Variants in KCNQ1OT1 observed in about 807,000 individuals in gnomAD.
The protein encoded by KCNQ1OT1 is KCNQ1 antisense RNA 2 (non-protein coding).
exon 1 of KCNQ1OT1, chr11:2,655,957 G>A (rs1181679714): frequency 1.3e-5 from 5 of 398,604 alleles, no homozygotes; most frequent in Non-Finnish European, 1.8e-5. Context: ...GGCAGGTGCA[G>A]GTCCCACCCA....
At position 2,670,415 on chromosome 11, in the gene KCNQ1OT1, T is replaced by G; in HGVS notation, n.29580A>C. On this transcript the variant is annotated non_coding_transcript_exon_variant, in exon 1 of 1. Transcript: ENST00000597346. The surrounding 1 kb of genome is among the most constrained non-coding windows in gnomAD (Gnocchi z 4.9). The stretch of plus-strand genomic sequence containing the variant: ...AGACACCTACTATGTGTATTTCTTG[T>G]GTTGGGGTTAGGAGATACTGCTGTT... 1 of 398,072 alleles carries G rather than the reference T, an allele frequency of 2.5e-6. No individual in the cohort carries two copies. Among genetic ancestry groups the G allele is most frequent in the Non-Finnish European group, 4.4e-6 (1 of 225,970 alleles). 24.7% of individuals were successfully genotyped at this position (398,072 alleles called of 1,614,324 possible). A position where few individuals can be genotyped will look rare whatever the true frequency, so the allele number is the denominator to read the frequency against.
exon 1 of KCNQ1OT1, chr11:2,630,354 A>T (rs1564838817): frequency 2.5e-6 from 1 of 398,144 alleles, no homozygotes; most frequent in Admixed American, 4.4e-5. Context: ...TCATAAAAAA[A>T]TATCAGCCAG....
At chr11:2,684,447 C>A (rs923618091) in exon 1 of KCNQ1OT1, 6 of 398,518 alleles carry the variant, frequency 1.5e-5, no homozygotes, top group Non-Finnish European at 2.7e-5. Context: ...AAAACGTGTT[C>A]TTTTGGCAAA....
chr11:2,619,144 T>A (rs1267338927), exon 1 of KCNQ1OT1: 8 of 398,426 alleles, frequency 2.0e-5, no homozygotes, highest in Non-Finnish European at 3.1e-5. Context: ...TACTTCTTAC[T>A]TCCTGATTTG....
exon 1 of KCNQ1OT1, chr11:2,644,321 T>C (rs1321754494): frequency 2.5e-6 from 1 of 398,466 alleles, no homozygotes; most frequent in Admixed American, 4.4e-5. Context: ...AGACTTATCT[T>C]CAAGGTGTGA....
exon 1 of KCNQ1OT1, chr11:2,610,057 GT>G (rs1848953819): frequency 2.5e-6 from 1 of 397,456 alleles, no homozygotes; most frequent in Non-Finnish European, 4.4e-6. Flanking sequence ...TTTACTTTTG[GT>G]CTTTTCTATG....
Position 2,653,215 on chromosome 11 carries a change from C to T in KCNQ1OT1, n.46780G>A. ...TGCTGTTGCAGGGCTAGGGCCAGGG[C>T]CTTGGCCTCAGGCCAGCTTCTTTCC... On this transcript the variant is annotated non_coding_transcript_exon_variant, in exon 1 of 1. Coordinates refer to ENST00000597346, the Ensembl canonical transcript of KCNQ1OT1. The surrounding 1 kb of genome is among the most constrained non-coding windows in gnomAD (Gnocchi z 5.3). 2.5e-6 allele frequency: 1 copy of T among 398,758 alleles called. No homozygotes were observed. Among genetic ancestry groups the T allele is most frequent in the Non-Finnish European group, 4.4e-6 (1 of 226,138 alleles). The allele number at this position is 398,758 out of a possible 1,614,324, so 24.7% of individuals were successfully genotyped here.
exon 1 of KCNQ1OT1, chr11:2,630,698 A>G (rs1425185391): frequency 1.3e-5 from 5 of 398,192 alleles, no homozygotes; most frequent in Non-Finnish European, 1.8e-5. Flanking sequence ...ATATGTTTTC[A>G]TGTTACTAAT....
exon 1 of KCNQ1OT1, chr11:2,675,720 G>A (rs748817212): frequency 2.5e-5 from 10 of 398,572 alleles, no homozygotes; most frequent in Non-Finnish European, 3.5e-5. Flanking sequence ...TTGTGCTGGA[G>A]CAGCCCCTGC....
chr11:2,644,453 C>A (rs1214493848), exon 1 of KCNQ1OT1: 1 of 398,224 alleles, frequency 2.5e-6, no homozygotes, highest in Non-Finnish European at 4.4e-6. Context: ...ATCTCTTGGG[C>A]AAATTTCTCA....
chr11:2,619,356 C>T, exon 1 of KCNQ1OT1: 2 of 398,448 alleles, frequency 5.0e-6, no homozygotes, highest in Non-Finnish European at 8.8e-6. Flanking sequence ...TCCTTCTATA[C>T]CTGAACTGTT....
chr11:2,654,637 G>A lies in KCNQ1OT1; in HGVS notation n.45358C>T, dbSNP rs1199622089. ...TACTAGGAAGGGCCCAGACACTGGC[G>A]AGAGTCTCTTGAGGGCAGAGGGCAG... On this transcript the variant is annotated non_coding_transcript_exon_variant, in exon 1 of 1. Transcript: ENST00000597346. This position sits in a 1 kb window ranked among gnomAD's most constrained non-coding sequence, Gnocchi z 6.4. 5 of 398,678 alleles carry A rather than the reference G, an allele frequency of 1.3e-5. No individual in the cohort carries two copies. The highest frequency in any genetic ancestry group is 4.4e-5 in the Admixed American group (1 of 22,696). The allele number at this position is 398,678 out of a possible 1,614,324, so 24.7% of individuals were successfully genotyped here. A position where few individuals can be genotyped will look rare whatever the true frequency, so the allele number is the denominator to read the frequency against.
Position 2,647,431 on chromosome 11 carries a change from A to C in KCNQ1OT1, n.52564T>G. On this transcript the variant is annotated non_coding_transcript_exon_variant, in exon 1 of 1. Coordinates refer to ENST00000597346, the Ensembl canonical transcript of KCNQ1OT1. This position sits in a 1 kb window ranked among gnomAD's most constrained non-coding sequence, Gnocchi z 4.0. ...TTCTGAGGATTCTGCATCTATGTTC[A>C]TCAGGGAGATTGGCCTGTAGTTTTC... is the stretch of plus-strand genomic sequence containing the variant. 1 of 398,528 alleles carries C rather than the reference A, an allele frequency of 2.5e-6. No individual in the cohort carries two copies. The highest frequency in any genetic ancestry group is 3.6e-5 in the East Asian group (1 of 28,054). 24.7% of individuals were successfully genotyped at this position (398,528 alleles called of 1,614,324 possible).
exon 1 of KCNQ1OT1, chr11:2,632,438 C>T (rs545139761): frequency 5.0e-6 from 2 of 398,374 alleles, no homozygotes; most frequent in Admixed American, 4.4e-5. Context: ...TTGCTTTATT[C>T]CTGATCTTAG....
chr11:2,614,007 G>A, exon 1 of KCNQ1OT1: 1 of 398,514 alleles, frequency 2.5e-6, no homozygotes, highest in Non-Finnish European at 4.4e-6. Context: ...TCATTGCATT[G>A]CTAAAGTTGC....
chr11:2,677,317 G>A lies in KCNQ1OT1; in HGVS notation n.22678C>T. On this transcript the variant is annotated non_coding_transcript_exon_variant, in exon 1 of 1. Coordinates refer to ENST00000597346, the Ensembl canonical transcript of KCNQ1OT1. The surrounding 1 kb of genome is among the most constrained non-coding windows in gnomAD (Gnocchi z 4.5). ...GAGATTTCATCAAGTTAAAGAAAAT[G>A]ATGTCAAATGATTTCTCAAATAGAG... The A allele has an allele frequency of 2.5e-6, 1 of 398,608 alleles. No homozygotes were observed. Among genetic ancestry groups the A allele is most frequent in the Non-Finnish European group, 4.4e-6 (1 of 226,054 alleles). 24.7% of individuals were successfully genotyped at this position (398,608 alleles called of 1,614,324 possible). A position where few individuals can be genotyped will look rare whatever the true frequency, so the allele number is the denominator to read the frequency against.
chr11:2,629,111 TG>T (rs1315655582), exon 1 of KCNQ1OT1: 61 of 398,196 alleles, frequency 1.5e-4, no homozygotes, highest in Non-Finnish European at 3.1e-5. Flanking sequence ...GGATTTTTTT[TG>T]TCTATATCTG....
exon 1 of KCNQ1OT1, chr11:2,688,909 C>T (rs527494325): frequency 1.0e-5 from 4 of 398,910 alleles, no homozygotes; most frequent in Non-Finnish European, 1.8e-5. Flanking sequence ...GGGCTAGGGC[C>T]ACCCCACACA....
At chr11:2,665,168 G>A (rs562051282) in exon 1 of KCNQ1OT1, 16 of 398,724 alleles carry the variant, frequency 4.0e-5, no homozygotes, top group African/African-American at 2.9e-4. Flanking sequence ...ACCAGCTCTG[G>A]GCGGCCAGGA....
Sources: gnomAD v4.1 joint callset for allele counts on GRCh38, gnomAD v4.1.1 for gene constraint, Gnocchi (gnomAD v3.1) non-coding constraint, MANE v1.5 for transcripts, NCBI Gene and HGNC (gene_info 2026-07-23, HGNC 2026-07-21) for gene names.